MLIP: variants seen among roughly 807,000 people sequenced by gnomAD.
The protein encoded by MLIP is muscular LMNA interacting protein.
Under a neutral mutation model 84.8 loss-of-function variants are expected in MLIP, and 79 were observed. The observed-to-expected ratio is 0.93, with a 90% CI of 0.78 to 1.12. The LOEUF is 1.12. Ranked by LOEUF, MLIP falls within the 50% of genes most tolerant of loss-of-function variation. MLIP has a pLI of 0.00. For synonymous variants in MLIP, 504 were observed against 463.0 expected (o/e 1.09, Z -1.14); for missense variants, 1,257 against 1,160.6 (o/e 1.08, Z -1.21).
At chr6:54,031,888 C>G (rs62397361) in intron 1 of MLIP, among the ~76,000 whole-genome samples, 14,946 of 152,138 alleles carry the variant, frequency 0.098, 766 homozygotes, top group Middle Eastern at 0.11. Context: ...TTGTTGCTGG[C>G]AGATTACCCC....
intron 11 of MLIP, among the ~76,000 whole-genome samples, chr6:54,203,438 T>G (rs1778826420): frequency 6.6e-6 from 1 of 151,814 alleles, no homozygotes; most frequent in Non-Finnish European, 1.5e-5. Context: ...AGTTTGAAAA[T>G]AATAACTAAC....
In MLIP at chr6:54,068,040, TTTCCTTCCTTCC is replaced by T. The variant is rs556958452; in HGVS notation, c.63+48985_63+48996del. 4.1e-3 allele frequency among the ~76,000 whole-genome samples: 93 copies of T among 22,908 alleles called. 4 individuals carry two copies. The highest frequency in any genetic ancestry group is 7.5e-3 in the African/African-American group (90 of 12,054). 15.0% of individuals were successfully genotyped at this position (22,908 alleles called of 152,430 possible). On this transcript the variant is annotated intron_variant, in intron 1 of 12. Coordinates refer to the MLIP transcript ENST00000274897. ...CCTTCCTTCCTTCCTTCCTTTTTTC[TTTCCTTCCTTCC>T]TTCCTTCCTTCCTTCCTTCCTTCCT...
chr6:54,213,731 A>C (rs1484538543), intron 11 of MLIP, among the ~76,000 whole-genome samples: 3,164 of 110,682 alleles, frequency 0.029, 383 homozygotes, highest in African/African-American at 0.099. Context: ...AAAAAAAAAA[A>C]AAAAACAACA....
intron 1 of MLIP, among the ~76,000 whole-genome samples, chr6:54,085,397 G>A (rs919487745): frequency 3.3e-5 from 5 of 152,040 alleles, no homozygotes; most frequent in African/African-American, 1.2e-4. Context: ...TTATTAATAG[G>A]GATTATAGTC....
At chr6:54,127,476 A>G (rs1351346285) in intron 3 of MLIP, among the ~76,000 whole-genome samples, 3 of 152,118 alleles carry the variant, frequency 2.0e-5, no homozygotes, top group Non-Finnish European at 2.9e-5. Flanking sequence ...ACCTTCATGA[A>G]GCTGTTTTGT....
At chr6:54,206,822 C>G (rs1779063420) in intron 11 of MLIP, among the ~76,000 whole-genome samples, 1 of 152,158 alleles carries the variant, frequency 6.6e-6, no homozygotes, top group African/African-American at 2.4e-5. Flanking sequence ...ATACCTTTGT[C>G]GTAGGTGAAA....
chr6:54,145,398 A>T (rs955687416), intron 4 of MLIP, among the ~76,000 whole-genome samples: 1 of 152,154 alleles, frequency 6.6e-6, no homozygotes. Flanking sequence ...TTTTTGGGCA[A>T]TAAATAGGAT....
intron 1 of MLIP, among the ~76,000 whole-genome samples, chr6:54,056,072 A>AT (rs1765644010): frequency 6.6e-6 from 1 of 152,164 alleles, no homozygotes; most frequent in South Asian, 2.1e-4. Context: ...TGACATCTTA[A>AT]TTTTAAAAAT....
intron 1 of MLIP, among the ~76,000 whole-genome samples, chr6:54,043,160 T>A (rs1764840973): frequency 6.6e-6 from 1 of 152,166 alleles, no homozygotes; most frequent in East Asian, 1.9e-4. Flanking sequence ...AGCAGTTAAG[T>A]CAGAGGAGTG....
chr6:54,189,877 TCTC>T lies in MLIP; in HGVS notation c.2556_2558del (p.Ser853del), dbSNP rs761564148. 12 of 1,601,454 alleles carry T rather than the reference TCTC, an allele frequency of 7.5e-6. No homozygotes were observed. The African/African-American group carries it at 1.3e-4, about 18-fold the overall frequency. On this transcript the variant is annotated inframe_deletion, in exon 10 of 14. Transcript: ENST00000502396. The stretch of plus-strand genomic sequence containing the variant: ...CATGTTTATGTTTTGCAGGCAAATC[TCTC>T]CTCACCATCTTCTACAGTATCTGAG...
rs1783656496 is a variant in MLIP at position 54,265,871 on chromosome 6, A to G, written c.2977-79A>G. 9 of 1,360,834 alleles carry G rather than the reference A, an allele frequency of 6.6e-6. No homozygotes were observed. The South Asian group carries it at 1.1e-4, about 17-fold the overall frequency. 84.3% of individuals were successfully genotyped at this position (1,360,834 alleles called of 1,614,324 possible). ...TTTTTGTAGGAGATGCTATGCCCAA[A>G]TATTAATGTATAATTTTCAGGTGTA... On this transcript the variant is annotated intron_variant, in intron 13 of 13. Transcript: ENST00000502396.
At chr6:54,217,305 A>G in intron 11 of MLIP, 6 of 985,380 alleles carry the variant, frequency 6.1e-6, no homozygotes, top group Non-Finnish European at 7.2e-6. Context: ...AGCATTTCAG[A>G]TGTGCAGGCT....
chr6:54,121,584 T>C lies in MLIP; in HGVS notation c.234T>C (p.Ser78=). 6.2e-7 allele frequency: 1 copy of C among 1,607,892 alleles called. No individual in the cohort carries two copies. The highest frequency in any genetic ancestry group is 8.5e-7 in the Non-Finnish European group (1 of 1,177,562). Reference sequence around the variant, plus strand: ...TTCCAGAAGAATCAAGTGATAAGAGTCCAGAAACTGTAAATAGGGTAGGAT... The same window carrying C: ...TTCCAGAAGAATCAAGTGATAAGAGCCCAGAAACTGTAAATAGGGTAGGAT... ...VKIPEESSDK[S]PETVNRSKSN... The change falls in exon 2 of 14, where the codon AGT becomes AGC. Residue 78 remains serine (S), a synonymous_variant. Transcript: ENST00000502396.
chr6:54,054,950 T>C (rs1310699097), intron 1 of MLIP, among the ~76,000 whole-genome samples: 3 of 152,032 alleles, frequency 2.0e-5, no homozygotes, highest in South Asian at 2.1e-4. Context: ...TGCACTGGCT[T>C]GATCTCGGCT....
At chr6:54,023,614 G>T (rs1009911051) in intron 1 of MLIP, among the ~76,000 whole-genome samples, 2 of 151,890 alleles carry the variant, frequency 1.3e-5, no homozygotes, top group African/African-American at 2.4e-5. Context: ...TTGTCGCCCA[G>T]CCTGGAGTGC....
intron 1 of MLIP, among the ~76,000 whole-genome samples, chr6:54,032,899 A>T (rs1414766003): frequency 6.6e-6 from 1 of 152,204 alleles, no homozygotes; most frequent in Non-Finnish European, 1.5e-5. Context: ...TGTGAGAAGG[A>T]ATAAGCTGTC....
In MLIP at chr6:54,051,791, GAC is replaced by G. The variant is rs1765388090; in HGVS notation, c.63+32704_63+32705del. Among the ~76,000 whole-genome samples the G allele has an allele frequency of 2.0e-5, 3 of 152,112 alleles. No homozygotes were observed. In the South Asian group the frequency reaches 6.2e-4, roughly 32 times the overall value. ...AACCATAAAGTTTATAATTTTTGAA[GAC>G]ACAGTTTTTGGGCTATATAAATAAA... On this transcript the variant is annotated intron_variant, in intron 1 of 12. Coordinates refer to the MLIP transcript ENST00000274897.
intron 11 of MLIP, 132 bp from the exon 12 acceptor site, chr6:54,230,582 C>A: frequency 1.3e-6 from 1 of 764,486 alleles, no homozygotes; most frequent in Non-Finnish European, 2.2e-6. Flanking sequence ...TCATGAGGGA[C>A]ACCATCTCAT....
chr6:54,097,774 C>T (rs532910530), intron 1 of MLIP, among the ~76,000 whole-genome samples: 105 of 152,206 alleles, frequency 6.9e-4, no homozygotes, highest in African/African-American at 2.4e-3. Flanking sequence ...TTAATGGAGC[C>T]TAACAGGTAG....
Sources: gnomAD v4.1 joint callset for allele counts (sites outside exome capture counted in the v4.1 genomes callset) on GRCh38, gnomAD v4.1.1 for gene constraint, MANE v1.5 for transcripts, NCBI Gene and HGNC (gene_info 2026-07-23, HGNC 2026-07-21) for gene names.